The following ADRA1B variants were observed in gnomAD, a reference collection of about 807,000 sequenced individuals.
ADRA1B encodes the protein adrenoceptor alpha 1B.
ADRA1B carries 17 observed loss-of-function variants against 17.9 expected under a neutral mutation model. That is an observed-to-expected ratio of 0.95 (90% CI 0.65 to 1.42). The LOEUF is 1.42. Among genes scored for constraint, ADRA1B ranks in the 40% most tolerant of loss-of-function variants. The pLI is 0.00. For synonymous variants in ADRA1B, 366 were observed against 327.6 expected, an observed-to-expected ratio of 1.12 and a Z score of -1.27; for missense variants, 681 against 722.1, an observed-to-expected ratio of 0.94 and a Z score of 0.65.
At chr5:159,871,023 A>G (rs982801303) in intron 1 of ADRA1B, 1 of 152,244 alleles carries the variant, frequency 6.6e-6, no homozygotes, top group Non-Finnish European at 1.5e-5. Flanking sequence ...TGGGAAGACC[A>G]TAGAAGAGGT....
chr5:159,883,951 A>G (rs1345373545), intron 1 of ADRA1B, among the ~76,000 whole-genome samples: 2 of 152,156 alleles, frequency 1.3e-5, no homozygotes, highest in African/African-American at 4.8e-5. Flanking sequence ...TACCCTCAAT[A>G]CCAAACACAT....
Position 159,936,195 on chromosome 5 carries a change from C to T in ADRA1B, c.949+18341C>T, listed in dbSNP as rs541870372. ...CATTAACTGGGAGAGGCCAGGTATG[C>T]TGCCAAACATCCTACAATGCAAAGG... On this transcript the variant is annotated intron_variant, in intron 1 of 1. Transcript: ENST00000306675. Among the ~76,000 whole-genome samples the T allele has an allele frequency of 3.6e-4, 55 of 152,288 alleles. 2 individuals carry two copies. The highest frequency in any genetic ancestry group is 1.3e-3 in the African/African-American group (54 of 41,558).
intron 1 of ADRA1B, among the ~76,000 whole-genome samples, chr5:159,878,246 AGGGT>A (rs1458320315): frequency 1.3e-5 from 2 of 152,218 alleles, no homozygotes; most frequent in African/African-American, 4.8e-5. Flanking sequence ...AGCCAAGGTA[AGGGT>A]CAAGGACTAA....
intron 1 of ADRA1B, chr5:159,947,663 C>A (rs574058841): frequency 4.1e-6 from 4 of 973,672 alleles, no homozygotes; most frequent in East Asian, 1.1e-4. Flanking sequence ...AAATGGGGGA[C>A]CTGGCTATGA....
chr5:159,896,936 G>C (rs1017111687), intron 1 of ADRA1B, among the ~76,000 whole-genome samples: 3 of 152,130 alleles, frequency 2.0e-5, no homozygotes, highest in Non-Finnish European at 2.9e-5. Context: ...ACCAAATTCT[G>C]CCCAGGTCTC....
chr5:159,880,065 A>G (rs1171332144), intron 1 of ADRA1B, among the ~76,000 whole-genome samples: 1 of 152,226 alleles, frequency 6.6e-6, no homozygotes, highest in East Asian at 1.9e-4. Context: ...TGCATTCCTC[A>G]TACATATTTC....
intron 1 of ADRA1B, among the ~76,000 whole-genome samples, chr5:159,872,754 G>A (rs1442351074): frequency 6.6e-6 from 1 of 152,036 alleles, no homozygotes. Flanking sequence ...ACCTTCCTTG[G>A]ATTCAAGATC....
chr5:159,936,400 A>G (rs1754955886), intron 1 of ADRA1B, among the ~76,000 whole-genome samples: 1 of 152,250 alleles, frequency 6.6e-6, no homozygotes, highest in Admixed American at 6.5e-5. Context: ...ACAATTTTAC[A>G]TAAATTATCT....
intron 1 of ADRA1B, among the ~76,000 whole-genome samples, chr5:159,902,903 G>A (rs891901): frequency 0.19 from 29,342 of 152,180 alleles, 2,996 homozygotes; most frequent in African/African-American, 0.23. Flanking sequence ...CCTCTGGCGT[G>A]TGTCTATTCC....
chr5:159,971,878 G>T lies in ADRA1B; in HGVS notation c.950-1G>T. 1 of 1,322,658 alleles carries T rather than the reference G, an allele frequency of 7.6e-7. No individual in the cohort carries two copies. The highest frequency in any genetic ancestry group is 9.7e-7 in the Non-Finnish European group (1 of 1,028,976). The allele number at this position is 1,322,658 out of a possible 1,614,324, so 81.9% of individuals were successfully genotyped here. A position where few individuals can be genotyped will look rare whatever the true frequency, so the allele number is the denominator to read the frequency against. On this transcript the variant is annotated splice_acceptor_variant, in intron 1 of 1. Transcript: ENST00000306675. LOFTEE classifies it high-confidence loss of function. ...CGTGCCCACCCCCCTCCCCACTGCA[G>T]GCTCCTTGTTCTCCACCCTGAAGCC... is the stretch of plus-strand genomic sequence containing the variant.
chr5:159,981,092 C>A, the ADRA1B span, among the ~76,000 whole-genome samples: 11 of 152,142 alleles, frequency 7.2e-5, no homozygotes, highest in Admixed American at 3.9e-4. Flanking sequence ...TTTCCAACTG[C>A]AACCCACAGG....
chr5:159,956,229 A>C (rs1455382539), intron 1 of ADRA1B, among the ~76,000 whole-genome samples: 1 of 152,196 alleles, frequency 6.6e-6, no homozygotes, highest in East Asian at 1.9e-4. Flanking sequence ...TGACAGGAGG[A>C]GACCCGTTTC....
chr5:159,920,693 T>G (rs1754454012), intron 1 of ADRA1B, among the ~76,000 whole-genome samples: 1 of 152,040 alleles, frequency 6.6e-6, no homozygotes. Flanking sequence ...ACAAAGAAGG[T>G]ACTTAATTAC....
intron 1 of ADRA1B, among the ~76,000 whole-genome samples, chr5:159,920,939 C>T (rs1389815521): frequency 6.6e-6 from 1 of 152,096 alleles, no homozygotes; most frequent in African/African-American, 2.4e-5. Context: ...CAGGTAGGAG[C>T]AACTTCCAAT....
At position 159,917,022 on chromosome 5, in the gene ADRA1B, G is replaced by A; in HGVS notation, c.117G>A (p.Gln39=). ...NQTSSNSTLP[Q]LDITRAISVG... ...CCTCGAGCAACTCCACACTGCCCCA[G>A]CTGGACATCACCAGGGCCATCTCTG... The change falls in exon 1 of 2, where the codon CAG becomes CAA. Residue 39 remains glutamine, a synonymous_variant. Transcript: ENST00000306675. The A allele has an allele frequency of 1.2e-6, 2 of 1,614,172 alleles. No individual in the cohort carries two copies. The highest frequency in any genetic ancestry group is 8.5e-7 in the Non-Finnish European group (1 of 1,180,014).
chr5:159,952,748 G>A (rs1755469669), intron 1 of ADRA1B, among the ~76,000 whole-genome samples: 2 of 152,108 alleles, frequency 1.3e-5, no homozygotes, highest in Non-Finnish European at 2.9e-5. Flanking sequence ...TACTCTTATT[G>A]TCATTGTTAT....
At chr5:159,985,142 C>T in the ADRA1B span, among the ~76,000 whole-genome samples, 4 of 152,114 alleles carry the variant, frequency 2.6e-5, no homozygotes, top group Non-Finnish European at 5.9e-5. Context: ...GTTTCCTCTG[C>T]CTGTGCTCAT....
chr5:159,866,514 G>A (rs907665269), intron 1 of ADRA1B, among the ~76,000 whole-genome samples: 4 of 151,626 alleles, frequency 2.6e-5, no homozygotes, highest in Admixed American at 2.0e-4. Flanking sequence ...TGGAACCCGG[G>A]AGGCGGAGGT....
At chr5:159,975,352 G>C (rs1755955762), downstream of ADRA1B, among the ~76,000 whole-genome samples, 2 of 152,116 alleles carry the variant, frequency 1.3e-5, no homozygotes, top group African/African-American at 4.8e-5. Context: ...GTAGGGCCTT[G>C]GTTCAAGTCT....
Sources: gnomAD v4.1 joint callset for allele counts (sites outside exome capture counted in the v4.1 genomes callset) on GRCh38, gnomAD v4.1.1 for gene constraint, MANE v1.5 for transcripts, NCBI Gene and HGNC (gene_info 2026-07-23, HGNC 2026-07-21) for gene names.